Variants in P4HA3 observed in about 807,000 individuals in gnomAD.
P4HA3 encodes the protein prolyl 4-hydroxylase subunit alpha 3.
A neutral mutation model predicts 66.7 loss-of-function variants in P4HA3; 60 were observed. The ratio of observed to expected loss-of-function variants is 0.90; its 90% CI spans 0.73 to 1.12. The LOEUF (loss-of-function observed/expected upper bound fraction) is 1.12, where lower values mean the gene tolerates loss of function less well. Ranked by LOEUF, P4HA3 falls within the 50% of genes most tolerant of loss-of-function variation. The pLI is 0.00. For missense variants in P4HA3, 683 were observed against 685.8 expected, an observed-to-expected ratio of 1.00 and a Z score of 0.05; for synonymous variants, 263 against 274.6, an observed-to-expected ratio of 0.96 and a Z score of 0.42.
At chr11:74,288,600 C>T (rs948352405) in intron 5 of P4HA3, among the ~76,000 whole-genome samples, 1 of 152,100 alleles carries the variant, frequency 6.6e-6, no homozygotes, top group Non-Finnish European at 1.5e-5. Flanking sequence ...ATGCATTGAA[C>T]AGCATGTAAG....
At chr11:74,251,006 T>A in intron 15 of P4HA3, 1 of 1,597,908 alleles carries the variant, frequency 6.3e-7, no homozygotes, top group Non-Finnish European at 8.5e-7. Context: ...TCCATGAGGA[T>A]GCCCCTGACA....
chr11:74,306,020 T>C (rs1345034450), intron 1 of P4HA3, among the ~76,000 whole-genome samples: 1 of 152,128 alleles, frequency 6.6e-6, no homozygotes, highest in Non-Finnish European at 1.5e-5. Context: ...AGTGGTACTG[T>C]TGAAACTATG....
At chr11:74,300,547 C>G (rs1208380998) in intron 3 of P4HA3, among the ~76,000 whole-genome samples, 2 of 152,048 alleles carry the variant, frequency 1.3e-5, no homozygotes, top group Admixed American at 1.3e-4. Flanking sequence ...TGAGCCCCCC[C>G]AGGTGGGAGG....
intron 4 of P4HA3, among the ~76,000 whole-genome samples, chr11:74,293,432 T>C (rs1283157813): frequency 3.3e-5 from 5 of 152,238 alleles, no homozygotes; most frequent in African/African-American, 9.6e-5. Context: ...AATTGGAGCA[T>C]TTAGCCCATT....
At position 74,287,348 on chromosome 11, in the gene P4HA3, A is replaced by T. The variant is rs562898200; in HGVS notation, c.770-957T>A. ...TACCATTCTGTTTTAACAAGAGAAGAAGTGAAGTTTTGGAGAATGGAAATT... is the reference window on the plus strand; with the variant it reads ...TACCATTCTGTTTTAACAAGAGAAGTAGTGAAGTTTTGGAGAATGGAAATT... On this transcript the variant is annotated intron_variant, in intron 5 of 12. Transcript: ENST00000331597. The T allele has an allele frequency of 6.2e-6, 8 of 1,282,004 alleles. 1 individual carries two copies. In the South Asian group the frequency reaches 8.7e-5, roughly 14 times the overall value. The allele number at this position is 1,282,004 out of a possible 1,614,324, so 79.4% of individuals were successfully genotyped here.
intron 3 of P4HA3, among the ~76,000 whole-genome samples, chr11:74,301,086 G>T (rs1012528751): frequency 5.3e-5 from 8 of 152,134 alleles, no homozygotes; most frequent in African/African-American, 1.7e-4. Flanking sequence ...GAAGGGATGG[G>T]GGGTGGCGAG....
intron 15 of P4HA3, among the ~76,000 whole-genome samples, chr11:74,258,347 G>A (rs752938779): frequency 6.6e-6 from 1 of 152,176 alleles, no homozygotes; most frequent in Admixed American, 6.5e-5. Flanking sequence ...TGTTGACAGA[G>A]ACAGTTTCTT....
At chr11:74,304,177 C>T in intron 2 of P4HA3, 93 bp downstream of exon 2, 2 of 1,502,178 alleles carry the variant, frequency 1.3e-6, no homozygotes, top group South Asian at 2.4e-5. Context: ...CTCCATTACC[C>T]TTTGAAATCA....
chr11:74,273,463 A>G, intron 10 of P4HA3, 82 bp downstream of exon 10: 5 of 1,258,480 alleles, frequency 4.0e-6, no homozygotes, highest in Non-Finnish European at 5.2e-6. Flanking sequence ...GATAAAATCA[A>G]TACGTGAAAT....
chr11:74,289,177 A>G, intron 4 of P4HA3, 47 bp from the exon 5 acceptor site: 1 of 1,420,550 alleles, frequency 7.0e-7, no homozygotes, highest in Non-Finnish European at 9.5e-7. Context: ...TTCACTGAGG[A>G]TATCTCTTCT....
rs1555084176 is a variant in P4HA3 at position 74,266,706 on chromosome 11, A to C, written c.*542T>G. The C allele has an allele frequency of 9.9e-6, 2 of 201,628 alleles. No homozygotes were observed. Among genetic ancestry groups the C allele is most frequent in the Non-Finnish European group, 2.0e-5 (2 of 98,860 alleles). The allele number at this position is 201,628 out of a possible 1,614,324, so 12.5% of individuals were successfully genotyped here. On this transcript the variant is annotated 3_prime_UTR_variant, in exon 13 of 13. Transcript: ENST00000331597. Reference sequence around the variant, plus strand: ...TGTGTTAAAAAACCATCATACAAAAAGAAAAGAAAGTTGTTTTCAACTTAA... The same window carrying C: ...TGTGTTAAAAAACCATCATACAAAACGAAAAGAAAGTTGTTTTCAACTTAA...
At chr11:74,253,515 C>A (rs1272037670) in intron 15 of P4HA3, 5 of 1,606,808 alleles carry the variant, frequency 3.1e-6, no homozygotes, top group Non-Finnish European at 4.3e-6. Context: ...TGTTAGTGAC[C>A]TGCTGTCCAC....
At position 74,267,254 on chromosome 11, in the gene P4HA3, T is replaced by A. The variant is rs1023596257; in HGVS notation, c.1629A>T (p.Glu543Asp). 6.2e-7 allele frequency: 1 copy of A among 1,614,088 alleles called. No homozygotes were observed. Among genetic ancestry groups the A allele is most frequent in the Non-Finnish European group, 8.5e-7 (1 of 1,180,036 alleles). The change falls in exon 13 of 13, where the codon GAA becomes GAT. Residue 543 changes from glutamate to aspartate, a missense_variant. By Grantham distance (45) the Glu-to-Asp change is conservative. Coordinates refer to ENST00000331597, the MANE Select transcript of P4HA3 (RefSeq NM_182904.5). ...EFRRPCSSSP[E>D]D ...GCTTCTCTCTGCCAACAGTTCAGTC[T>A]TCAGGGCTGGAGCTGCAGGGTCTGC...
At chr11:74,251,896 C>G in intron 15 of P4HA3, 1 of 853,034 alleles carries the variant, frequency 1.2e-6, no homozygotes, top group East Asian at 2.4e-5. Context: ...TTGGTTGTTT[C>G]TTTGTGCTGT....
At chr11:74,296,273 A>G (rs1160823466) in intron 4 of P4HA3, among the ~76,000 whole-genome samples, 1 of 152,250 alleles carries the variant, frequency 6.6e-6, no homozygotes, top group Non-Finnish European at 1.5e-5. Context: ...CTATGTTTTC[A>G]CAGCATTTGA....
chr11:74,283,707 T>C (rs1179717301), intron 7 of P4HA3, among the ~76,000 whole-genome samples: 1 of 152,236 alleles, frequency 6.6e-6, no homozygotes, highest in Non-Finnish European at 1.5e-5. Context: ...TCTCTGAACA[T>C]ACCACATATC....
chr11:74,297,201 G>A lies in P4HA3; in HGVS notation c.717+1011C>T, dbSNP rs570877156. On this transcript the variant is annotated intron_variant, in intron 4 of 12. Transcript: ENST00000331597. ...ACTCCTGACCTCAGGTGATCTGCCC[G>A]GCTCAGCCTCCCAAAGTGCTGGGAT... 3.9e-3 allele frequency among the ~76,000 whole-genome samples: 599 copies of A among 152,066 alleles called. 1 individual carries two copies. The highest frequency in any genetic ancestry group is 7.6e-3 in the Non-Finnish European group (515 of 67,972).
chr11:74,257,130 TTTTC>T (rs1859843115), intron 15 of P4HA3, among the ~76,000 whole-genome samples: 1 of 152,060 alleles, frequency 6.6e-6, no homozygotes, highest in Non-Finnish European at 1.5e-5. Context: ...AGGTAGCATT[TTTTC>T]TTTCTTTTTT....
chr11:74,262,286 A>G (rs1859919437), downstream of P4HA3, among the ~76,000 whole-genome samples: 1 of 152,182 alleles, frequency 6.6e-6, no homozygotes, highest in South Asian at 2.1e-4. Flanking sequence ...GCCCCTGTCA[A>G]GGACAGGGAA....
Sources: allele counts gnomAD v4.1 joint callset (sites outside exome capture counted in the v4.1 genomes callset), GRCh38; gene constraint gnomAD v4.1.1; transcripts MANE v1.5; gene names NCBI Gene and HGNC (gene_info 2026-07-23, HGNC 2026-07-21).